PDE4D: variants seen among roughly 807,000 people sequenced by gnomAD.
PDE4D encodes 3',5'-cyclic-AMP phosphodiesterase 4D.
In PDE4D, 24 loss-of-function variants were observed where a neutral mutation model predicts 87.4. The observed-to-expected ratio is 0.27, with a 90% CI of 0.20 to 0.39. The LOEUF (loss-of-function observed/expected upper bound fraction) is 0.39. Ranked by LOEUF, PDE4D falls within the 10% of genes least tolerant of loss-of-function variation. PDE4D has a pLI of 1.00. For synonymous variants in PDE4D, 384 were observed against 383.2 expected (o/e 1.00, Z -0.02); for missense variants, 714 against 1,041.0 (o/e 0.69, Z 4.32).
At chr5:59,441,950 A>G (rs926690152) in intron 1 of PDE4D, among the ~76,000 whole-genome samples, 1 of 152,214 alleles carries the variant, frequency 6.6e-6, no homozygotes, top group Non-Finnish European at 1.5e-5. Flanking sequence ...CTAGGAAAAA[A>G]CACACTTAAT....
chr5:59,458,904 T>G (rs1195775817), intron 1 of PDE4D, among the ~76,000 whole-genome samples: 1 of 152,188 alleles, frequency 6.6e-6, no homozygotes, highest in East Asian at 1.9e-4. Context: ...AAGACATAAT[T>G]TGCATGAGAT....
intron 1 of PDE4D, among the ~76,000 whole-genome samples, chr5:60,320,982 C>A (rs1325492159): frequency 6.6e-6 from 1 of 152,150 alleles, no homozygotes; most frequent in Non-Finnish European, 1.5e-5. Flanking sequence ...TTGCCCAAAG[C>A]AATTTACGGA....
At chr5:59,054,382 T>C (rs1292850738) in intron 5 of PDE4D, among the ~76,000 whole-genome samples, 1 of 152,146 alleles carries the variant, frequency 6.6e-6, no homozygotes, top group African/African-American at 2.4e-5. Context: ...AAGTAAGAGG[T>C]GCTCACTTTT....
At chr5:59,663,205 C>T (rs535781802) in intron 1 of PDE4D, among the ~76,000 whole-genome samples, 1 of 152,082 alleles carries the variant, frequency 6.6e-6, no homozygotes, top group East Asian at 1.9e-4. Flanking sequence ...CACTCTGTCT[C>T]CAAGGCTGGA....
chr5:59,078,864 G>T (rs1023693276), intron 5 of PDE4D, among the ~76,000 whole-genome samples: 4 of 152,138 alleles, frequency 2.6e-5, no homozygotes, highest in Non-Finnish European at 5.9e-5. Flanking sequence ...TTGCCCTGAT[G>T]TAAGGGTTAA....
At chr5:59,117,428 A>G (rs926810420) in intron 5 of PDE4D, among the ~76,000 whole-genome samples, 4 of 152,082 alleles carry the variant, frequency 2.6e-5, no homozygotes, top group Admixed American at 2.0e-4. Context: ...ACCCTCCACT[A>G]CAGACGGCCA....
At chr5:59,282,400 G>A (rs924969677) in intron 1 of PDE4D, among the ~76,000 whole-genome samples, 9 of 151,948 alleles carry the variant, frequency 5.9e-5, no homozygotes, top group African/African-American at 1.9e-4. Flanking sequence ...CAGCACTTTG[G>A]GAGGCCGAGA....
intron 2 of PDE4D, among the ~76,000 whole-genome samples, chr5:60,078,046 T>C (rs1189460099): frequency 6.6e-6 from 1 of 152,174 alleles, no homozygotes; most frequent in African/African-American, 2.4e-5. Context: ...CTTTCTGATG[T>C]CCCAGTCCTT....
At chr5:60,313,322 A>C (rs2149817558) in intron 1 of PDE4D, among the ~76,000 whole-genome samples, 2 of 152,302 alleles carry the variant, frequency 1.3e-5, no homozygotes, top group Middle Eastern at 3.4e-3. Context: ...TACAAACTAG[A>C]AAACCTAGAA....
intron 1 of PDE4D, among the ~76,000 whole-genome samples, chr5:59,857,511 A>C (rs1745615899): frequency 6.6e-6 from 1 of 152,150 alleles, no homozygotes; most frequent in African/African-American, 2.4e-5. Flanking sequence ...TCACAAAGGG[A>C]GGGATTATAA....
intron 1 of PDE4D, among the ~76,000 whole-genome samples, chr5:59,671,651 T>A (rs1163274640): frequency 6.6e-6 from 1 of 151,340 alleles, no homozygotes; most frequent in Non-Finnish European, 1.5e-5. Context: ...CTACAAAAAA[T>A]ACAAAAATGA....
rs1004066142 is a variant in PDE4D at position 59,916,194 on chromosome 5, G to A, written c.272+72294C>T. Among the ~76,000 whole-genome samples the A allele has an allele frequency of 3.9e-5, 6 of 152,196 alleles. No homozygotes were observed. In the East Asian group the frequency reaches 5.8e-4, roughly 15 times the overall value. ...GGCCCTCCCCTGCAAGCTGTGCTTCGCAGCCTGCCTAATACACCAAGACCT... is the reference window on the plus strand; with the variant it reads ...GGCCCTCCCCTGCAAGCTGTGCTTCACAGCCTGCCTAATACACCAAGACCT... On this transcript the variant is annotated intron_variant, in intron 3 of 16. Coordinates refer to the PDE4D transcript ENST00000502484.
chr5:60,090,222 C>T (rs1281459528), intron 2 of PDE4D, among the ~76,000 whole-genome samples: 1 of 152,020 alleles, frequency 6.6e-6, no homozygotes, highest in Non-Finnish European at 1.5e-5. Context: ...GATAAAAACA[C>T]AACAAAATAG....
At chr5:60,218,390 A>T (rs1032773641) in intron 1 of PDE4D, among the ~76,000 whole-genome samples, 1 of 152,026 alleles carries the variant, frequency 6.6e-6, no homozygotes, top group Admixed American at 6.6e-5. Flanking sequence ...GAGATTTTTT[A>T]AATCTTGCTT....
chr5:59,671,964 C>T (rs1747284238), intron 1 of PDE4D, among the ~76,000 whole-genome samples: 1 of 152,032 alleles, frequency 6.6e-6, no homozygotes, highest in African/African-American at 2.4e-5. Context: ...GGAGAACTGA[C>T]ATTTAAATGT....
At chr5:59,413,954 C>A (rs1301189737) in intron 1 of PDE4D, among the ~76,000 whole-genome samples, 1 of 152,176 alleles carries the variant, frequency 6.6e-6, no homozygotes, top group African/African-American at 2.4e-5. Context: ...ATATATATAT[C>A]TGTGCATATC....
chr5:59,831,439 T>G (rs150358932), intron 1 of PDE4D, among the ~76,000 whole-genome samples: 8 of 151,942 alleles, frequency 5.3e-5, no homozygotes, highest in African/African-American at 1.7e-4. Flanking sequence ...TTAATAATGA[T>G]AACAACAATG....
intron 5 of PDE4D, among the ~76,000 whole-genome samples, chr5:59,093,701 TTG>T (rs202014501): frequency 6.6e-6 from 1 of 152,270 alleles, no homozygotes; most frequent in South Asian, 2.1e-4. Context: ...TTGCTTTGTT[TTG>T]TGTGTGTGTG....
chr5:59,168,275 G>T (rs554175433), intron 5 of PDE4D, among the ~76,000 whole-genome samples: 2 of 152,268 alleles, frequency 1.3e-5, no homozygotes, highest in South Asian at 2.1e-4. Context: ...CCCAGTAGTT[G>T]GGGCCTGCCC....
Sources: gnomAD v4.1 joint callset for allele counts (sites outside exome capture counted in the v4.1 genomes callset) on GRCh38, gnomAD v4.1.1 for gene constraint, MANE v1.5 for transcripts, NCBI Gene and HGNC (gene_info 2026-07-23, HGNC 2026-07-21) for gene names.